BMPR1B: variants seen among roughly 807,000 people sequenced by gnomAD.
The protein encoded by BMPR1B is bone morphogenetic protein receptor type 1B.
A neutral mutation model predicts 59.1 loss-of-function variants in BMPR1B; 12 were observed. The observed-to-expected ratio is 0.20, with a 90% confidence interval of 0.13 to 0.33. The LOEUF is 0.33. Among genes scored for constraint, BMPR1B ranks in the 10% least tolerant of loss-of-function variants. BMPR1B has a pLI of 1.00. For synonymous variants in BMPR1B, 237 were observed against 207.3 expected (o/e 1.14, Z -1.23); for missense variants, 550 against 610.9 (o/e 0.90, Z 1.05).
At chr4:94,929,561 A>C (rs766523017) in intron 2 of BMPR1B, among the ~76,000 whole-genome samples, 76 of 151,978 alleles carry the variant, frequency 5.0e-4, no homozygotes, top group Non-Finnish European at 1.0e-3. Flanking sequence ...ACTTCTGACC[A>C]CTTGTGCTGC....
chr4:95,079,864 T>G (rs2149232579), intron 3 of BMPR1B, among the ~76,000 whole-genome samples: 1 of 152,292 alleles, frequency 6.6e-6, no homozygotes, highest in South Asian at 2.1e-4. Flanking sequence ...TCGTTCCACA[T>G]TTGAGAAACT....
At chr4:95,049,282 TA>T (rs916943595) in intron 3 of BMPR1B, among the ~76,000 whole-genome samples, 17 of 151,850 alleles carry the variant, frequency 1.1e-4, no homozygotes, top group Non-Finnish European at 1.9e-4. Flanking sequence ...CCCAGCTAAT[TA>T]AAAAAAATTA....
At chr4:94,969,201 A>AT (rs928448190) in intron 2 of BMPR1B, among the ~76,000 whole-genome samples, 1 of 151,664 alleles carries the variant, frequency 6.6e-6, no homozygotes, top group Non-Finnish European at 1.5e-5. Flanking sequence ...CACCTGGCTA[A>AT]TTTTTTTGTA....
intron 4 of BMPR1B, among the ~76,000 whole-genome samples, chr4:95,105,136 C>G (rs550895057): frequency 6.6e-6 from 1 of 152,190 alleles, no homozygotes; most frequent in South Asian, 2.1e-4. Flanking sequence ...ACATTTGAAA[C>G]TGAACTATTT....
At chr4:95,062,840 C>A (rs1727502809) in intron 3 of BMPR1B, among the ~76,000 whole-genome samples, 1 of 152,048 alleles carries the variant, frequency 6.6e-6, no homozygotes, top group Non-Finnish European at 1.5e-5. Flanking sequence ...TAGTATTTAT[C>A]CTGATTTTTC....
intron 1 of BMPR1B, among the ~76,000 whole-genome samples, chr4:94,843,524 A>G (rs867377056): frequency 9.2e-5 from 14 of 152,204 alleles, no homozygotes; most frequent in Admixed American, 1.3e-4. Flanking sequence ...ATAACATAAT[A>G]GAACTGGAGT....
At chr4:94,863,131 G>A (rs1578734113) in intron 1 of BMPR1B, among the ~76,000 whole-genome samples, 1 of 151,982 alleles carries the variant, frequency 6.6e-6, no homozygotes, top group East Asian at 1.9e-4. Context: ...AAAGGTTTGT[G>A]TTTAATTGAA....
At chr4:94,970,332 C>CTCTCTCTCTT (rs1730740186) in intron 2 of BMPR1B, among the ~76,000 whole-genome samples, 2 of 144,416 alleles carry the variant, frequency 1.4e-5, no homozygotes, top group African/African-American at 2.6e-5. Flanking sequence ...CTCTTTTTCT[C>CTCTCTCTCTT]TTTCGGAGTT....
chr4:94,993,398 T>G (rs923021335), intron 2 of BMPR1B, among the ~76,000 whole-genome samples: 7 of 152,210 alleles, frequency 4.6e-5, no homozygotes, highest in Non-Finnish European at 7.3e-5. Flanking sequence ...GTTATTATGG[T>G]GCATTATCCT....
intron 10 of BMPR1B, among the ~76,000 whole-genome samples, chr4:95,139,242 C>T (rs1197414802): frequency 2.0e-5 from 3 of 152,150 alleles, no homozygotes; most frequent in African/African-American, 4.8e-5. Flanking sequence ...TATTGCAGAA[C>T]GGCAAATGTT....
chr4:94,918,017 C>G (rs1728552802), intron 2 of BMPR1B, among the ~76,000 whole-genome samples: 1 of 152,086 alleles, frequency 6.6e-6, no homozygotes, highest in Admixed American at 6.5e-5. Context: ...CATGCCTGCT[C>G]CTGCTTCACC....
At chr4:95,103,220 A>G (rs1730953311) in intron 3 of BMPR1B, among the ~76,000 whole-genome samples, 1 of 152,102 alleles carries the variant, frequency 6.6e-6, no homozygotes, top group Non-Finnish European at 1.5e-5. Context: ...AAGGTCAGGA[A>G]AAATTATCAC....
At chr4:94,914,980 G>A (rs150940765) in intron 2 of BMPR1B, among the ~76,000 whole-genome samples, 26 of 152,118 alleles carry the variant, frequency 1.7e-4, no homozygotes, top group East Asian at 1.4e-3. Context: ...TGATGATCAC[G>A]CAATACCTCA....
At chr4:94,986,283 C>T (rs911408060) in intron 2 of BMPR1B, among the ~76,000 whole-genome samples, 9 of 152,060 alleles carry the variant, frequency 5.9e-5, no homozygotes, top group African/African-American at 1.7e-4. Context: ...CTCAATTGCA[C>T]CTCTGTTCTT....
intron 1 of BMPR1B, among the ~76,000 whole-genome samples, chr4:94,834,859 CT>C (rs1180603703): frequency 1.3e-5 from 2 of 151,520 alleles, no homozygotes; most frequent in African/African-American, 4.8e-5. Flanking sequence ...TTAATAAGTT[CT>C]TTCCTACTTC....
chr4:95,046,424 C>A (rs1040127529), intron 3 of BMPR1B, among the ~76,000 whole-genome samples: 1 of 152,082 alleles, frequency 6.6e-6, no homozygotes, highest in African/African-American at 2.4e-5. Context: ...CTGATATTTT[C>A]CTATATTCTG....
chr4:94,901,613 A>G lies in BMPR1B; in HGVS notation c.-113+25713A>G, dbSNP rs745891191. Reference sequence around the variant, plus strand: ...ACTTAATCAGTTCAAAAGCTTGTCTATAACCTAGGAAATACAAATTAAAAC... The same window carrying G: ...ACTTAATCAGTTCAAAAGCTTGTCTGTAACCTAGGAAATACAAATTAAAAC... On this transcript the variant is annotated intron_variant, in intron 2 of 12. Coordinates refer to ENST00000515059, the MANE Select transcript of BMPR1B (RefSeq NM_001203.3). 4.6e-5 allele frequency among the ~76,000 whole-genome samples: 7 copies of G among 152,144 alleles called. No individual in the cohort carries two copies. In the East Asian group the frequency reaches 5.8e-4, roughly 13 times the overall value.
rs1735326295 is a variant in BMPR1B at position 95,155,099 on chromosome 4, A to C, written c.*426A>C. 5.5e-6 allele frequency: 1 copy of C among 180,726 alleles called. No individual in the cohort carries two copies. Among genetic ancestry groups the C allele is most frequent in the African/African-American group, 2.4e-5 (1 of 41,844 alleles). The allele number at this position is 180,726 out of a possible 1,614,324, so 11.2% of individuals were successfully genotyped here. ...ACTCTGCTGGAAGGTAAATTAAAAT[A>C]CTTGTTTTTCCATTGGTAAAATATT... On this transcript the variant is annotated 3_prime_UTR_variant, in exon 13 of 13. Transcript: ENST00000515059.
At chr4:95,006,492 C>G (rs16996451) in intron 3 of BMPR1B, among the ~76,000 whole-genome samples, 20 of 148,610 alleles carry the variant, frequency 1.3e-4, no homozygotes, top group Non-Finnish European at 2.8e-4. Context: ...ACAATACTTA[C>G]GATTATGTAG....
Sources: allele counts gnomAD v4.1 joint callset (sites outside exome capture counted in the v4.1 genomes callset), GRCh38; gene constraint gnomAD v4.1.1; transcripts MANE v1.5; gene names NCBI Gene and HGNC (gene_info 2026-07-23, HGNC 2026-07-21).